The following EGFLAM variants were observed in gnomAD, a reference collection of about 807,000 sequenced individuals.
The protein encoded by EGFLAM is EGF like, fibronectin type III and laminin G domains.
Under a neutral mutation model 113.1 loss-of-function variants are expected in EGFLAM, and 79 were observed. The ratio of observed to expected loss-of-function variants is 0.70; its 90% CI spans 0.58 to 0.84. The LOEUF is 0.84. Ranked by LOEUF, EGFLAM falls within the 40% of genes least tolerant of loss-of-function variation. The probability of loss-of-function intolerance (pLI) is 0.00; values close to 1 mark genes in which losing one functional copy is unlikely to be tolerated. For synonymous variants in EGFLAM, 504 were observed against 487.6 expected (o/e 1.03, Z -0.44); for missense variants, 1,265 against 1,291.6 (o/e 0.98, Z 0.32).
intron 7 of EGFLAM, among the ~76,000 whole-genome samples, chr5:38,406,578 T>G (rs970269412): frequency 6.6e-6 from 1 of 152,204 alleles, no homozygotes; most frequent in African/African-American, 2.4e-5. Context: ...TTCATCATAT[T>G]GTAATAAGAA....
At chr5:38,424,811 T>G (rs1741943178) in intron 12 of EGFLAM, among the ~76,000 whole-genome samples, 156 bp from the exon 13 acceptor site, 1 of 152,202 alleles carries the variant, frequency 6.6e-6, no homozygotes, top group African/African-American at 2.4e-5. Flanking sequence ...CCACTTATCC[T>G]GAAAGCCCAT....
intron 6 of EGFLAM, among the ~76,000 whole-genome samples, chr5:38,390,613 C>T (rs1383757591): frequency 6.6e-6 from 1 of 152,196 alleles, no homozygotes; most frequent in Non-Finnish European, 1.5e-5. Flanking sequence ...CTCCTGCTGA[C>T]AGTATATTCG....
At chr5:38,376,890 C>T (rs150442401) in intron 6 of EGFLAM, among the ~76,000 whole-genome samples, 1 of 152,026 alleles carries the variant, frequency 6.6e-6, no homozygotes, top group African/African-American at 2.4e-5. Flanking sequence ...AGGCTGGTCT[C>T]GAATTCTTGG....
chr5:38,299,398 G>A (rs141970448), intron 1 of EGFLAM, among the ~76,000 whole-genome samples: 1 of 152,200 alleles, frequency 6.6e-6, no homozygotes, highest in African/African-American at 2.4e-5. Context: ...GTGAGCCAAG[G>A]TGAGGCTTGG....
rs540261377 is a variant in EGFLAM at position 38,289,633 on chromosome 5, A to T, written c.97+30782A>T. 1.7e-4 allele frequency among the ~76,000 whole-genome samples: 26 copies of T among 152,312 alleles called. 1 individual carries two copies. In the South Asian group the frequency reaches 3.5e-3, roughly 21 times the overall value. On this transcript the variant is annotated intron_variant, in intron 1 of 21. Transcript: ENST00000322350. The stretch of plus-strand genomic sequence containing the variant: ...GAAATGACACTAACTTCCACTCACA[A>T]CCATTGGCCAGAACGAGTCACATGG...
intron 17 of EGFLAM, chr5:38,445,592 A>G (rs1742680994): frequency 1.3e-6 from 2 of 1,597,872 alleles, no homozygotes; most frequent in African/African-American, 1.3e-5. Flanking sequence ...GCTGGCTTCA[A>G]GTGATCTGCA....
chr5:38,430,967 T>A (rs1041602829), intron 14 of EGFLAM, among the ~76,000 whole-genome samples: 1 of 152,198 alleles, frequency 6.6e-6, no homozygotes, highest in Non-Finnish European at 1.5e-5. Context: ...TCCTCTTCCT[T>A]TTTGTTCAGT....
chr5:38,279,162 A>T (rs1281743342), intron 1 of EGFLAM, among the ~76,000 whole-genome samples: 1 of 152,220 alleles, frequency 6.6e-6, no homozygotes, highest in Non-Finnish European at 1.5e-5. Context: ...TCAAAATTAC[A>T]ATGAGATATC....
In EGFLAM at chr5:38,451,380, T is replaced by C; in HGVS notation, c.2609T>C (p.Leu870Pro). The change falls in exon 19 of 22, where the codon CTG becomes CCG. Residue 870 changes from leucine to proline, a missense_variant. By Grantham distance (98) the Leu-to-Pro change is moderately conservative. Coordinates refer to ENST00000322350, the MANE Select transcript of EGFLAM (RefSeq NM_152403.4). ...FKTTAKDGLL[L>P]WRGDSPMRPN... Reference sequence around the variant, plus strand: ...ACAACTGCCAAGGATGGCCTTTTGCTGTGGAGGGGAGACAGCCCCATGAGA... The same window carrying C: ...ACAACTGCCAAGGATGGCCTTTTGCCGTGGAGGGGAGACAGCCCCATGAGA... The C allele has an allele frequency of 1.2e-6, 2 of 1,614,242 alleles. No homozygotes were observed. The highest frequency in any genetic ancestry group is 1.7e-6 in the Non-Finnish European group (2 of 1,180,042).
chr5:38,410,426 A>G (rs370378605), intron 10 of EGFLAM, among the ~76,000 whole-genome samples: 8 of 152,178 alleles, frequency 5.3e-5, no homozygotes, highest in Non-Finnish European at 1.0e-4. Flanking sequence ...TGAATCTGCT[A>G]TCCTCTTCAG....
At chr5:38,278,833 G>A (rs933604043) in intron 1 of EGFLAM, among the ~76,000 whole-genome samples, 1 of 151,686 alleles carries the variant, frequency 6.6e-6, no homozygotes, top group Non-Finnish European at 1.5e-5. Context: ...TTGGGATAAA[G>A]CACAGCCAAC....
chr5:38,366,566 A>C (rs1388345605), intron 5 of EGFLAM, among the ~76,000 whole-genome samples: 1 of 152,216 alleles, frequency 6.6e-6, no homozygotes, highest in East Asian at 1.9e-4. Flanking sequence ...TTGTTCACTA[A>C]GATTGAGATT....
chr5:38,424,909 ACT>A (rs1741947006), intron 12 of EGFLAM, 56 bp from the exon 13 acceptor site: 1 of 1,592,992 alleles, frequency 6.3e-7, no homozygotes. Flanking sequence ...GGTCAGCGCC[ACT>A]GTGTTGGACT....
intron 15 of EGFLAM, 56 bp downstream of exon 15, chr5:38,431,344 C>T: frequency 5.2e-6 from 8 of 1,550,840 alleles, no homozygotes; most frequent in Non-Finnish European, 7.1e-6. Context: ...TTACTGTTTT[C>T]TGCCTGTCTT....
intron 15 of EGFLAM, among the ~76,000 whole-genome samples, chr5:38,434,823 G>A (rs753560078): frequency 3.3e-5 from 5 of 152,220 alleles, no homozygotes; most frequent in African/African-American, 4.8e-5. Context: ...CCTGTGGGGA[G>A]GGGTACCTGT....
intron 6 of EGFLAM, among the ~76,000 whole-genome samples, chr5:38,386,336 G>A (rs1740661555): frequency 6.6e-6 from 1 of 151,810 alleles, no homozygotes; most frequent in African/African-American, 2.4e-5. Context: ...TGGGATTACA[G>A]GTGCACACCA....
intron 11 of EGFLAM, among the ~76,000 whole-genome samples, chr5:38,413,951 A>G (rs1055816428): frequency 5.3e-5 from 8 of 152,288 alleles, no homozygotes; most frequent in East Asian, 1.9e-4. Flanking sequence ...TCCTGTAAGA[A>G]TCTAATGGCA....
rs376475358 is a variant in EGFLAM at position 38,337,516 on chromosome 5, G to A, written c.98-4G>A. The A allele has an allele frequency of 4.2e-5, 66 of 1,589,358 alleles. No individual in the cohort carries two copies. The East Asian group carries it at 1.1e-3, about 26-fold the overall frequency. ...CTAACACAATCTCTTTTGTTTGGGG[G>A]CAGGCAAGGTAGGGCCTCCTCTTGA... On this transcript the variant is annotated splice_polypyrimidine_tract_variant and splice_region_variant and intron_variant, in intron 1 of 21. Transcript: ENST00000322350.
intron 15 of EGFLAM, among the ~76,000 whole-genome samples, chr5:38,434,524 T>C (rs1359496711): frequency 6.6e-6 from 1 of 152,250 alleles, no homozygotes; most frequent in Admixed American, 6.5e-5. Flanking sequence ...ATTTATTTTA[T>C]CGTAAATCAA....
Sources: gnomAD v4.1 joint callset for allele counts (sites outside exome capture counted in the v4.1 genomes callset) on GRCh38, gnomAD v4.1.1 for gene constraint, MANE v1.5 for transcripts, NCBI Gene and HGNC (gene_info 2026-07-23, HGNC 2026-07-21) for gene names.